Variants in MAF observed in about 807,000 individuals in gnomAD.
The protein encoded by MAF is transcription factor Maf.
A neutral mutation model predicts 22.0 loss-of-function variants in MAF; 10 were observed. That is an observed-to-expected ratio of 0.45 (90% CI 0.28 to 0.77). The LOEUF (loss-of-function observed/expected upper bound fraction) is 0.77, where lower values mean the gene tolerates loss of function less well. MAF is among the 30% of genes least tolerant of loss of function. The pLI, the probability that MAF is intolerant of heterozygous loss-of-function variation, is 0.12. For synonymous variants in MAF, 337 were observed against 255.8 expected (o/e 1.32, Z -3.03); for missense variants, 544 against 548.4 (o/e 0.99, Z 0.08).
At chr16:79,557,570 GC>G in the MAF span, among the ~76,000 whole-genome samples, 4 of 152,154 alleles carry the variant, frequency 2.6e-5, 1 homozygote, top group South Asian at 8.3e-4. Flanking sequence ...GCGTGTTACA[GC>G]CCTAAAGACT....
downstream of MAF, among the ~76,000 whole-genome samples, chr16:79,593,564 T>C (rs1221294611): frequency 6.6e-6 from 1 of 152,192 alleles, no homozygotes; most frequent in Admixed American, 6.5e-5. Context: ...GCATTTCCCA[T>C]CGGAGGGGTC....
At chr16:79,569,186 G>A in the MAF span, among the ~76,000 whole-genome samples, 17 of 152,206 alleles carry the variant, frequency 1.1e-4, no homozygotes, top group African/African-American at 3.4e-4. Flanking sequence ...GACATCGAGG[G>A]TCGGATAACG....
the MAF span, among the ~76,000 whole-genome samples, chr16:79,213,463 A>C: frequency 6.6e-6 from 1 of 152,156 alleles, no homozygotes; most frequent in Non-Finnish European, 1.5e-5. Context: ...CAGCCGTCAG[A>C]ACTCCACTCT....
the MAF span, among the ~76,000 whole-genome samples, chr16:79,409,330 C>A: frequency 6.6e-6 from 1 of 152,102 alleles, no homozygotes; most frequent in Non-Finnish European, 1.5e-5. Context: ...TCTTGTTTTC[C>A]AAGAAATCTG....
At chr16:79,344,166 G>T in the MAF span, among the ~76,000 whole-genome samples, 1 of 152,160 alleles carries the variant, frequency 6.6e-6, no homozygotes, top group Non-Finnish European at 1.5e-5. Flanking sequence ...GCCTCTCTAG[G>T]AGGGATGAAA....
the MAF span, among the ~76,000 whole-genome samples, chr16:79,350,157 C>T: frequency 7.2e-5 from 11 of 152,288 alleles, no homozygotes; most frequent in Non-Finnish European, 1.2e-4. Flanking sequence ...TTCATATGTG[C>T]CCTCTCTGTC....
the MAF span, among the ~76,000 whole-genome samples, chr16:79,534,606 A>C: frequency 7.2e-6 from 1 of 139,634 alleles, no homozygotes; most frequent in Non-Finnish European, 1.6e-5. Context: ...GGGAGGGAGG[A>C]GGGATAGCGT....
the MAF span, among the ~76,000 whole-genome samples, chr16:79,273,594 T>C: frequency 6.6e-6 from 1 of 152,224 alleles, no homozygotes; most frequent in Non-Finnish European, 1.5e-5. Context: ...TTCTAGAGGC[T>C]GCAACATTCC....
At chr16:79,289,203 C>T in the MAF span, among the ~76,000 whole-genome samples, 52 of 152,070 alleles carry the variant, frequency 3.4e-4, 1 homozygote, top group East Asian at 1.9e-4. Context: ...GGGAGTGGCA[C>T]GGTGTGACTG....
the MAF span, among the ~76,000 whole-genome samples, chr16:79,283,166 G>C: frequency 6.6e-6 from 1 of 152,304 alleles, no homozygotes; most frequent in Middle Eastern, 3.4e-3. Context: ...TATGGCGTGA[G>C]TGGATAGATG....
the MAF span, among the ~76,000 whole-genome samples, chr16:79,318,315 C>G: frequency 6.6e-6 from 1 of 152,148 alleles, no homozygotes; most frequent in African/African-American, 2.4e-5. Flanking sequence ...TAAGGAGCAA[C>G]TTGGATTGCC....
At chr16:79,451,420 T>C in the MAF span, among the ~76,000 whole-genome samples, 16 of 152,282 alleles carry the variant, frequency 1.1e-4, no homozygotes, top group Non-Finnish European at 2.2e-4. Flanking sequence ...AGAGACCACT[T>C]CCCTTCCCGT....
the MAF span, among the ~76,000 whole-genome samples, chr16:79,357,988 C>G: frequency 2.7e-4 from 41 of 152,272 alleles, no homozygotes; most frequent in Middle Eastern, 3.4e-3. Flanking sequence ...TCTTGGACAC[C>G]GTGTGAAGGT....
At chr16:79,258,334 A>G in the MAF span, among the ~76,000 whole-genome samples, 1 of 152,218 alleles carries the variant, frequency 6.6e-6, no homozygotes, top group African/African-American at 2.4e-5. Context: ...CACCTGCTCC[A>G]TGGGGACCAG....
chr16:79,467,739 G>A, the MAF span, among the ~76,000 whole-genome samples: 1 of 152,148 alleles, frequency 6.6e-6, no homozygotes, highest in East Asian at 1.9e-4. Flanking sequence ...GCCCCCCAGT[G>A]ATGCCAGTGT....
chr16:79,496,553 G>C, the MAF span, among the ~76,000 whole-genome samples: 1 of 152,222 alleles, frequency 6.6e-6, no homozygotes, highest in Non-Finnish European at 1.5e-5. Context: ...TAACAGAGCA[G>C]TTTCTTGCCG....
chr16:79,538,846 G>GAAAGA, the MAF span, among the ~76,000 whole-genome samples: 11 of 134,118 alleles, frequency 8.2e-5, no homozygotes, highest in East Asian at 9.5e-4. Context: ...AGGAAAGAAA[G>GAAAGA]AAAGAAAAGA....
chr16:79,556,984 A>T, the MAF span, among the ~76,000 whole-genome samples: 82 of 35,594 alleles, frequency 2.3e-3, 3 homozygotes, highest in African/African-American at 5.4e-3. Context: ...AACAAGCTTT[A>T]AAAAAAAAAA....
chr16:79,453,980 A>T, the MAF span, among the ~76,000 whole-genome samples: 2 of 152,198 alleles, frequency 1.3e-5, no homozygotes, highest in African/African-American at 4.8e-5. Flanking sequence ...AATGGCATTA[A>T]TTCATAATAA....
Sources: gnomAD v4.1 joint callset for allele counts (sites outside exome capture counted in the v4.1 genomes callset) on GRCh38, gnomAD v4.1.1 for gene constraint, MANE v1.5 for transcripts, NCBI Gene and HGNC (gene_info 2026-07-23, HGNC 2026-07-21) for gene names.